The following ADAMTSL1 variants were observed in gnomAD, a reference collection of about 807,000 sequenced individuals.
ADAMTSL1 encodes ADAMTS like 1.
In ADAMTSL1, 126 loss-of-function variants were observed where a neutral mutation model predicts 201.8. That is an observed-to-expected ratio of 0.62 (90% CI 0.54 to 0.72). ADAMTSL1 has a LOEUF of 0.72. Ranked by LOEUF, ADAMTSL1 falls within the 30% of genes least tolerant of loss-of-function variation. The probability of loss-of-function intolerance (pLI) is 0.00; values close to 1 mark genes in which losing one functional copy is unlikely to be tolerated. For synonymous variants in ADAMTSL1, 1,121 were observed against 903.4 expected, an observed-to-expected ratio of 1.24 and a Z score of -4.32; for missense variants, 2,679 against 2,277.8, an observed-to-expected ratio of 1.18 and a Z score of -3.59.
At chr9:18,614,888 AT>A (rs201702549) in intron 4 of ADAMTSL1, among the ~76,000 whole-genome samples, 27 of 150,022 alleles carry the variant, frequency 1.8e-4, no homozygotes, top group South Asian at 8.5e-4. Flanking sequence ...GGAGCCCTTT[AT>A]TTTTTTTTTC....
intron 1 of ADAMTSL1, among the ~76,000 whole-genome samples, chr9:17,954,440 A>C (rs941365129): frequency 6.6e-6 from 1 of 152,166 alleles, no homozygotes; most frequent in African/African-American, 2.4e-5. Context: ...GTTATTAGCA[A>C]TTGTCTGGGA....
intron 1 of ADAMTSL1, among the ~76,000 whole-genome samples, chr9:18,148,240 A>G (rs912585517): frequency 3.3e-5 from 5 of 151,904 alleles, no homozygotes; most frequent in African/African-American, 1.2e-4. Flanking sequence ...ACATTTTTTC[A>G]TGTCTACATA....
chr9:18,517,975 G>T lies in ADAMTSL1; in HGVS notation c.191+13019G>T, dbSNP rs189292579. ...TGTATGTTTCTTCCTTCTTCCTTTG[G>T]CCATTTGTTCTTTCCTTCCCTCCTT... On this transcript the variant is annotated intron_variant, in intron 2 of 28. Transcript: ENST00000380548. 3.3e-5 allele frequency among the ~76,000 whole-genome samples: 5 copies of T among 151,850 alleles called. No homozygotes were observed. The East Asian group carries it at 9.7e-4, about 29-fold the overall frequency.
At chr9:18,200,779 T>TA (rs907830880) in intron 2 of ADAMTSL1, among the ~76,000 whole-genome samples, 10 of 151,868 alleles carry the variant, frequency 6.6e-5, no homozygotes, top group African/African-American at 2.2e-4. Context: ...CAGGCAAAAA[T>TA]AAAAAACATA....
intron 2 of ADAMTSL1, among the ~76,000 whole-genome samples, chr9:18,344,985 A>G (rs1202754391): frequency 6.6e-6 from 1 of 152,096 alleles, no homozygotes; most frequent in Non-Finnish European, 1.5e-5. Flanking sequence ...CACTAAGCTC[A>G]AAGGCATGGT....
chr9:18,223,701 G>A (rs1045098827), intron 2 of ADAMTSL1, among the ~76,000 whole-genome samples: 6 of 151,990 alleles, frequency 3.9e-5, no homozygotes, highest in Non-Finnish European at 8.8e-5. Flanking sequence ...TCTGTTTTAT[G>A]TATTGTACCT....
chr9:18,022,161 G>T (rs895657345), intron 1 of ADAMTSL1, among the ~76,000 whole-genome samples: 3 of 152,140 alleles, frequency 2.0e-5, no homozygotes, highest in Admixed American at 1.3e-4. Flanking sequence ...AACTAGGTTT[G>T]GTTCAGCACT....
intron 5 of ADAMTSL1, among the ~76,000 whole-genome samples, chr9:18,628,257 T>A (rs2132716655): frequency 6.6e-6 from 1 of 152,306 alleles, no homozygotes; most frequent in African/African-American, 2.4e-5. Context: ...TCAGTTATTT[T>A]TTGTATAAGG....
rs1564145913 is a variant in ADAMTSL1, at chr9:18,681,700, G to GGGGC, written c.1342-109_1342-108insCGGG. ...AAATTTACCAGGAGTCCTCGTGTGG[G>GGGGC]GGGGGGGGGCGGGGAAAAAGAAAAC... On this transcript the variant is annotated intron_variant, in intron 11 of 28. Transcript: ENST00000380548. 11 of 673,390 alleles carry GGGGC rather than the reference G, an allele frequency of 1.6e-5. No individual in the cohort carries two copies. In the African/African-American group the frequency reaches 1.9e-4, roughly 12 times the overall value. The allele number at this position is 673,390 out of a possible 1,614,324, so 41.7% of individuals were successfully genotyped here. A position where few individuals can be genotyped will look rare whatever the true frequency, so the allele number is the denominator to read the frequency against.
chr9:17,971,021 T>C (rs1015519820), intron 1 of ADAMTSL1, among the ~76,000 whole-genome samples: 1 of 152,096 alleles, frequency 6.6e-6, no homozygotes, highest in East Asian at 1.9e-4. Context: ...TTGGTTATTG[T>C]TACATAAATA....
intron 24 of ADAMTSL1, among the ~76,000 whole-genome samples, chr9:18,889,163 A>G (rs1829084636): frequency 1.3e-5 from 2 of 152,260 alleles, no homozygotes; most frequent in African/African-American, 4.8e-5. Flanking sequence ...TGCTATATTT[A>G]TATATCTTTG....
At position 18,889,602 on chromosome 9, in the gene ADAMTSL1, C is replaced by G; in HGVS notation, c.4497C>G (p.Cys1499Trp). ...GGTCTGTGGACAGACTGGCAACCTG[C>G]TCAGCCTCCTGTGGTAACCGGGGGG... ...YWWSVDRLAT[C>W]SASCGNRGVQ... The change falls in exon 25 of 29, where the codon TGC becomes TGG. Residue 1499 changes from cysteine (C) to tryptophan (W), a missense_variant. Transcript: ENST00000380548. The G allele has an allele frequency of 1.2e-6, 2 of 1,613,854 alleles. No homozygotes were observed. The highest frequency in any genetic ancestry group is 1.7e-6 in the Non-Finnish European group (2 of 1,179,836).
intron 23 of ADAMTSL1, among the ~76,000 whole-genome samples, chr9:18,863,714 G>A (rs1827344929): frequency 6.6e-6 from 1 of 152,166 alleles, no homozygotes; most frequent in Non-Finnish European, 1.5e-5. Flanking sequence ...TGCCACCCAA[G>A]AGAATGCCAA....
chr9:18,244,921 C>G (rs978932911), intron 2 of ADAMTSL1, among the ~76,000 whole-genome samples: 1 of 152,164 alleles, frequency 6.6e-6, no homozygotes, highest in Non-Finnish European at 1.5e-5. Context: ...TGGAGCATCT[C>G]CCATAGATTA....
At chr9:18,174,221 A>C (rs1322834037) in intron 2 of ADAMTSL1, among the ~76,000 whole-genome samples, 1 of 152,184 alleles carries the variant, frequency 6.6e-6, no homozygotes, top group African/African-American at 2.4e-5. Context: ...CTTCCCAAGG[A>C]GTCCCTTAGT....
chr9:18,722,069 G>A (rs1300854897), intron 15 of ADAMTSL1, among the ~76,000 whole-genome samples: 2 of 152,188 alleles, frequency 1.3e-5, no homozygotes, highest in African/African-American at 4.8e-5. Context: ...TGAAGCAACT[G>A]GGTGGTATAA....
Position 18,842,769 on chromosome 9 carries a change from G to C in ADAMTSL1, c.4249+12792G>C, listed in dbSNP as rs1353077376. Among the ~76,000 whole-genome samples the C allele has an allele frequency of 2.0e-5, 3 of 152,252 alleles. No homozygotes were observed. The East Asian group carries it at 5.8e-4, about 29-fold the overall frequency. The stretch of plus-strand genomic sequence containing the variant: ...GATAGTTAGCTCTTCTTGTTGAATT[G>C]ATCCCTTTACCATTATGTAATGACC... On this transcript the variant is annotated intron_variant, in intron 23 of 28. Coordinates refer to ENST00000380548, the MANE Select transcript of ADAMTSL1 (RefSeq NM_001040272.6).
At chr9:18,102,503 T>C (rs1824574385) in intron 1 of ADAMTSL1, among the ~76,000 whole-genome samples, 1 of 152,174 alleles carries the variant, frequency 6.6e-6, no homozygotes, top group Admixed American at 6.5e-5. Context: ...AGTTAGTTAG[T>C]GGTCACTTCT....
At chr9:18,230,466 G>A (rs1251804663) in intron 2 of ADAMTSL1, among the ~76,000 whole-genome samples, 1 of 152,062 alleles carries the variant, frequency 6.6e-6, no homozygotes, top group Non-Finnish European at 1.5e-5. Context: ...TGTTATACTT[G>A]GGGAAATGCC....
Sources: allele counts gnomAD v4.1 joint callset (sites outside exome capture counted in the v4.1 genomes callset), GRCh38; gene constraint gnomAD v4.1.1; transcripts MANE v1.5; gene names NCBI Gene and HGNC (gene_info 2026-07-23, HGNC 2026-07-21).